Variants in EPAS1 observed in about 807,000 individuals in gnomAD.
EPAS1 encodes endothelial PAS domain protein 1, also known as endothelial PAS domain-containing protein 1.
Under a neutral mutation model 87.9 loss-of-function variants are expected in EPAS1, and 23 were observed. The observed-to-expected ratio is 0.26, with a 90% CI of 0.19 to 0.37. The LOEUF is 0.37. Ranked by LOEUF, EPAS1 falls within the 10% of genes least tolerant of loss-of-function variation. The pLI is 1.00. For synonymous variants in EPAS1, 508 were observed against 444.3 expected, an observed-to-expected ratio of 1.14 and a Z score of -1.80; for missense variants, 1,138 against 1,120.7, an observed-to-expected ratio of 1.02 and a Z score of -0.22.
Position 46,379,282 on chromosome 2 carries a change from C to T in EPAS1, c.1554+515C>T, listed in dbSNP as rs552816236. On this transcript the variant is annotated intron_variant, in intron 11 of 15. Transcript: ENST00000263734. ...AATGTTCTTGCAAAAACTATGTAAACAAGGATAAGGTAGAGGGAGGGGTAC... is the reference window on the plus strand; with the variant it reads ...AATGTTCTTGCAAAAACTATGTAAATAAGGATAAGGTAGAGGGAGGGGTAC... 2.6e-3 allele frequency among the ~76,000 whole-genome samples: 403 copies of T among 152,272 alleles called. 1 individual carries two copies. Among genetic ancestry groups the T allele is most frequent in the African/African-American group, 9.5e-3 (394 of 41,552 alleles).
Position 46,352,177 on chromosome 2 carries a change from C to G in EPAS1, c.218-3974C>G, listed in dbSNP as rs150300346. 1.3e-3 allele frequency among the ~76,000 whole-genome samples: 192 copies of G among 152,278 alleles called. 1 individual carries two copies. Among genetic ancestry groups the G allele is most frequent in the Admixed American group, 5.7e-3 (87 of 15,304 alleles). ...AAGCAAGTAACTGAGATCTGGAGCC[C>G]AGGATGATTTACAGACCCACTTGGT... On this transcript the variant is annotated intron_variant, in intron 2 of 15. Coordinates refer to ENST00000263734, the MANE Select transcript of EPAS1 (RefSeq NM_001430.5).
rs1685010825 is a variant in EPAS1, at chr2:46,385,870, A to G, written c.*1210A>G. 1 of 152,208 alleles carries G rather than the reference A, an allele frequency of 6.6e-6. No homozygotes were observed. The highest frequency in any genetic ancestry group is 2.1e-4 in the South Asian group (1 of 4,824). The allele number at this position is 152,208 out of a possible 1,614,324, so 9.4% of individuals were successfully genotyped here. ...ACATTTGGACATTTCCAGAACTACCATGAGATGGTTTAGACGGGAATTCAT... is the reference window on the plus strand; with the variant it reads ...ACATTTGGACATTTCCAGAACTACCGTGAGATGGTTTAGACGGGAATTCAT... On this transcript the variant is annotated 3_prime_UTR_variant, in exon 16 of 16. Coordinates refer to ENST00000263734, the MANE Select transcript of EPAS1 (RefSeq NM_001430.5).
chr2:46,334,863 G>A lies in EPAS1; in HGVS notation c.27-12010G>A, dbSNP rs116291770. ...TCTTTACAAAGGAATGGAAATGTGCGCAGACATCTCACTTCTCATCAGAGC... is the reference window on the plus strand; with the variant it reads ...TCTTTACAAAGGAATGGAAATGTGCACAGACATCTCACTTCTCATCAGAGC... On this transcript the variant is annotated intron_variant, in intron 1 of 15. Transcript: ENST00000263734. 8.0e-3 allele frequency among the ~76,000 whole-genome samples: 1,217 copies of A among 152,290 alleles called. 9 individuals carry two copies. The highest frequency in any genetic ancestry group is 0.027 in the South Asian group (132 of 4,828).
intron 6 of EPAS1, among the ~76,000 whole-genome samples, chr2:46,365,774 G>A (rs1360945185): frequency 6.6e-6 from 1 of 152,200 alleles, no homozygotes; most frequent in Non-Finnish European, 1.5e-5. Flanking sequence ...CTGAGTTAGT[G>A]AACAGCGTAC....
chr2:46,374,886 A>G lies in EPAS1; in HGVS notation c.887-804A>G, dbSNP rs535321571. Among the ~76,000 whole-genome samples the G allele has an allele frequency of 2.0e-5, 3 of 152,318 alleles. No homozygotes were observed. In the East Asian group the frequency reaches 5.8e-4, roughly 29 times the overall value. ...TTTTAAATGAACACTTAGTAGAACA[A>G]TCTAGAAGAGGAAAAACCTCATAAG... On this transcript the variant is annotated intron_variant, in intron 7 of 15. Transcript: ENST00000263734.
intron 7 of EPAS1, among the ~76,000 whole-genome samples, chr2:46,370,552 T>C (rs946145328): frequency 2.0e-5 from 3 of 152,178 alleles, no homozygotes; most frequent in African/African-American, 7.2e-5. Context: ...GGATGGCGTA[T>C]GGAAACTCTG....
intron 1 of EPAS1, among the ~76,000 whole-genome samples, chr2:46,339,760 T>A (rs1462164937): frequency 2.0e-5 from 3 of 152,242 alleles, no homozygotes; most frequent in Non-Finnish European, 4.4e-5. Flanking sequence ...TTCTGGATGC[T>A]GGGAAGTCCA....
intron 1 of EPAS1, among the ~76,000 whole-genome samples, chr2:46,312,272 G>A (rs1444467483): frequency 1.3e-5 from 2 of 152,096 alleles, no homozygotes; most frequent in African/African-American, 2.4e-5. Context: ...GGGGTTCAGA[G>A]GAGCTCTCAA....
intron 9 of EPAS1, 106 bp from the exon 10 acceptor site, chr2:46,377,788 C>A: frequency 6.5e-7 from 1 of 1,544,264 alleles, no homozygotes; most frequent in Non-Finnish European, 8.8e-7. Flanking sequence ...CCCAGGCATG[C>A]CTTCCAGACC....
At chr2:46,321,663 T>A (rs1192038040) in intron 1 of EPAS1, among the ~76,000 whole-genome samples, 2 of 152,092 alleles carry the variant, frequency 1.3e-5, no homozygotes, top group Non-Finnish European at 2.9e-5. Flanking sequence ...TTTATAAACA[T>A]ATTGCCTGTT....
At chr2:46,301,039 A>G (rs1682985338) in intron 1 of EPAS1, among the ~76,000 whole-genome samples, 1 of 152,228 alleles carries the variant, frequency 6.6e-6, no homozygotes, top group Non-Finnish European at 1.5e-5. Context: ...GCAGCGCAGG[A>G]TGATACAGAA....
rs199650758 is a variant in EPAS1 at position 46,356,163 on chromosome 2, A to G, written c.230A>G (p.Asn77Ser). The G allele has an allele frequency of 1.4e-5, 21 of 1,497,942 alleles. No individual in the cohort carries two copies. The highest frequency in any genetic ancestry group is 3.5e-5 in the Admixed American group (2 of 56,442). 92.8% of individuals were successfully genotyped at this position (1,497,942 alleles called of 1,614,324 possible). A position where few individuals can be genotyped will look rare whatever the true frequency, so the allele number is the denominator to read the frequency against. Residue 77 changes from asparagine (N) to serine (S), a missense_variant, in exon 3 of 16, where the codon AAC becomes AGC. By Grantham distance (46) the Asn-to-Ser change is conservative (BLOSUM62 1). Transcript: ENST00000263734. ...HKLLSSVCSE[N>S]ESEAEADQQM... The stretch of plus-strand genomic sequence containing the variant: ...CCCCCCTTTCCAGTTTGCTCTGAAA[A>G]CGAGTCCGAAGCCGAAGCTGACCAG...
At chr2:46,336,737 G>C in intron 1 of EPAS1, among the ~76,000 whole-genome samples, 1 of 152,184 alleles carries the variant, frequency 6.6e-6, no homozygotes, top group Admixed American at 6.5e-5. Flanking sequence ...CTCAAAGTGT[G>C]AGGTCACAGA....
At chr2:46,314,004 A>G (rs1229230679) in intron 1 of EPAS1, among the ~76,000 whole-genome samples, 1 of 152,160 alleles carries the variant, frequency 6.6e-6, no homozygotes, top group Non-Finnish European at 1.5e-5. Flanking sequence ...CTCTTGATGT[A>G]GATTGAAGCT....
Position 46,380,124 on chromosome 2 carries a change from A to C in EPAS1, c.1555-103A>C. ...GTGGAGGCGTTTGAGCAGCACTGTG[A>C]AACAGTGCTTGAGATGAATGGCTCT... is the stretch of plus-strand genomic sequence containing the variant. On this transcript the variant is annotated intron_variant, in intron 11 of 15. Transcript: ENST00000263734. The surrounding 1 kb of genome is among the most constrained non-coding windows in gnomAD (Gnocchi z 4.4). 2.5e-6 allele frequency: 4 copies of C among 1,575,406 alleles called. No individual in the cohort carries two copies. Among genetic ancestry groups the C allele is most frequent in the Non-Finnish European group, 3.5e-6 (4 of 1,158,862 alleles).
rs763309336 is a variant in EPAS1 at position 46,356,195 on chromosome 2, G to C, written c.262G>C (p.Asp88His). The C allele has an allele frequency of 2.5e-6, 4 of 1,609,390 alleles. No homozygotes were observed. Among genetic ancestry groups the C allele is most frequent in the Non-Finnish European group, 3.4e-6 (4 of 1,178,142 alleles). The change falls in exon 3 of 16, where the codon GAC becomes CAC. Residue 88 changes from aspartate (D) to histidine (H), a missense_variant. Asp to His is a moderately conservative substitution (Grantham distance 81). Coordinates refer to ENST00000263734, the MANE Select transcript of EPAS1 (RefSeq NM_001430.5). ...ESEAEADQQM[D>H]NLYLKALEGF... ...CGAAGCCGAAGCTGACCAGCAGATG[G>C]ACAACTTGTACCTGAAAGCCTTGGA...
At chr2:46,343,600 C>G (rs997127220) in intron 1 of EPAS1, among the ~76,000 whole-genome samples, 1 of 152,216 alleles carries the variant, frequency 6.6e-6, no homozygotes, top group African/African-American at 2.4e-5. Flanking sequence ...TGAGATAACA[C>G]ATGTTAAGAA....
intron 1 of EPAS1, among the ~76,000 whole-genome samples, chr2:46,318,199 AAC>A (rs1271620851): frequency 1.7e-5 from 1 of 59,790 alleles, no homozygotes; most frequent in African/African-American, 5.1e-5. Flanking sequence ...CACACACACA[AAC>A]ACACACACGC....
At chr2:46,363,460 T>C (rs557403097) in intron 6 of EPAS1, among the ~76,000 whole-genome samples, 88 of 152,350 alleles carry the variant, frequency 5.8e-4, no homozygotes, top group Non-Finnish European at 6.6e-4. Context: ...AGAAATCCTC[T>C]GGAAGGGGTA....
Sources: allele counts gnomAD v4.1 joint callset (sites outside exome capture counted in the v4.1 genomes callset), GRCh38; gene constraint gnomAD v4.1.1; non-coding constraint Gnocchi (gnomAD v3.1); transcripts MANE v1.5; gene names NCBI Gene and HGNC (gene_info 2026-07-23, HGNC 2026-07-21).